CDKL4: variants seen among roughly 807,000 people sequenced by gnomAD.
CDKL4 encodes cyclin dependent kinase like 4.
Under a neutral mutation model 42.0 loss-of-function variants are expected in CDKL4, and 44 were observed. The observed-to-expected ratio is 1.05, with a 90% confidence interval of 0.82 to 1.35. The LOEUF is 1.35. CDKL4 is among the 40% of genes most tolerant of loss of function. CDKL4 has a pLI of 0.00. For synonymous variants in CDKL4, 120 were observed against 121.6 expected (o/e 0.99, Z 0.09); for missense variants, 393 against 369.9 (o/e 1.06, Z -0.51).
chr2:39,191,439 C>A (rs1285267326), intron 5 of CDKL4, among the ~76,000 whole-genome samples: 2 of 152,094 alleles, frequency 1.3e-5, no homozygotes, highest in African/African-American at 4.8e-5. Flanking sequence ...TGGAAGGGGC[C>A]TCTCCTAGAG....
At chr2:39,178,146 G>A (rs1480697349) in intron 9 of CDKL4, among the ~76,000 whole-genome samples, 1 of 152,158 alleles carries the variant, frequency 6.6e-6, no homozygotes, top group East Asian at 1.9e-4. Flanking sequence ...AATGGCCCAT[G>A]TAATCAAAAT....
chr2:39,182,257 C>T (rs1265203723), intron 8 of CDKL4, among the ~76,000 whole-genome samples: 2 of 152,330 alleles, frequency 1.3e-5, no homozygotes, highest in Admixed American at 6.5e-5. Flanking sequence ...TCCTAAAGTG[C>T]TAAGATTACA....
At chr2:39,179,018 T>C in intron 9 of CDKL4, 169 bp downstream of exon 9, 1 of 1,465,600 alleles carries the variant, frequency 6.8e-7, no homozygotes, top group Non-Finnish European at 9.0e-7. Context: ...TTTTCATAGT[T>C]CTATGGTTTT....
chr2:39,235,049 T>G (rs887270736), intron 1 of CDKL4, among the ~76,000 whole-genome samples: 1 of 152,076 alleles, frequency 6.6e-6, no homozygotes, highest in Non-Finnish European at 1.5e-5. Context: ...ATATTATTTA[T>G]TTATTTTTGT....
intron 2 of CDKL4, among the ~76,000 whole-genome samples, chr2:39,226,480 A>T (rs1678751424): frequency 6.9e-6 from 1 of 144,236 alleles, no homozygotes; most frequent in South Asian, 2.1e-4. Flanking sequence ...TATATATAAT[A>T]TATATTATAT....
In CDKL4 at chr2:39,210,549, T is replaced by C. The variant is rs547169771; in HGVS notation, c.363+2851A>G. Among the ~76,000 whole-genome samples, 325 of 152,268 alleles carry C rather than the reference T, an allele frequency of 2.1e-3. 1 individual carries two copies. Among genetic ancestry groups the C allele is most frequent in the African/African-American group, 7.3e-3 (304 of 41,538 alleles). On this transcript the variant is annotated intron_variant, in intron 4 of 9. Transcript: ENST00000451199. ...AAATATTTATTGATCACCCTGTATA[T>C]AAAAATATCCAATTTAGGTATTAAA...
At chr2:39,200,036 G>A (rs1268053423) in intron 5 of CDKL4, among the ~76,000 whole-genome samples, 6 of 152,118 alleles carry the variant, frequency 3.9e-5, no homozygotes, top group African/African-American at 1.4e-4. Context: ...TTGGTAAAGA[G>A]GAAGTCAAAC....
intron 5 of CDKL4, among the ~76,000 whole-genome samples, chr2:39,198,135 G>C (rs1676630416): frequency 1.3e-5 from 2 of 152,018 alleles, no homozygotes; most frequent in South Asian, 4.2e-4. Flanking sequence ...AAGTAAAGTG[G>C]GGGGAAAGGG....
chr2:39,185,743 G>A (rs1047621438), intron 7 of CDKL4, among the ~76,000 whole-genome samples: 1 of 151,928 alleles, frequency 6.6e-6, no homozygotes, highest in Non-Finnish European at 1.5e-5. Flanking sequence ...TTACAGGTGT[G>A]AGCCACCGCG....
intron 7 of CDKL4, among the ~76,000 whole-genome samples, chr2:39,185,465 T>C (rs1371012011): frequency 7.7e-6 from 1 of 130,100 alleles, no homozygotes; most frequent in East Asian, 2.2e-4. Flanking sequence ...TATGTGTATA[T>C]ATATATATAT....
At chr2:39,197,505 T>A (rs141859224) in intron 5 of CDKL4, among the ~76,000 whole-genome samples, 220 of 152,238 alleles carry the variant, frequency 1.4e-3, no homozygotes, top group African/African-American at 5.2e-3. Context: ...GGGAAATTCA[T>A]TGCAAAAAGA....
chr2:39,227,633 A>G (rs571725335), intron 2 of CDKL4, among the ~76,000 whole-genome samples: 1 of 152,344 alleles, frequency 6.6e-6, no homozygotes, highest in African/African-American at 2.4e-5. Flanking sequence ...ACTGCCTAAA[A>G]GAGCAGAAAG....
At chr2:39,174,334 A>C (rs1474257056), downstream of CDKL4, among the ~76,000 whole-genome samples, 2 of 149,744 alleles carry the variant, frequency 1.3e-5, no homozygotes, top group Non-Finnish European at 1.5e-5. Flanking sequence ...GGGGAGGTGG[A>C]GGTTGCAGTG....
chr2:39,236,842 G>A (rs1165298108), intron 1 of CDKL4, among the ~76,000 whole-genome samples: 1 of 152,104 alleles, frequency 6.6e-6, no homozygotes, highest in Non-Finnish European at 1.5e-5. Flanking sequence ...GACTCCAGAA[G>A]AAATAGAAAT....
chr2:39,234,209 G>A (rs1481847483), intron 1 of CDKL4, among the ~76,000 whole-genome samples: 1 of 151,724 alleles, frequency 6.6e-6, no homozygotes, highest in Non-Finnish European at 1.5e-5. Context: ...CACTGCACCC[G>A]GCCTATATTT....
chr2:39,209,176 G>T (rs1426487874), intron 4 of CDKL4, among the ~76,000 whole-genome samples: 1 of 151,540 alleles, frequency 6.6e-6, no homozygotes, highest in Non-Finnish European at 1.5e-5. Flanking sequence ...AGCCATGCAT[G>T]ATAGCATGTG....
chr2:39,171,711 A>G (rs1263158673), downstream of CDKL4, among the ~76,000 whole-genome samples: 1 of 152,196 alleles, frequency 6.6e-6, no homozygotes, highest in Non-Finnish European at 1.5e-5. Context: ...AAACAAACAA[A>G]CAAAAAACTG....
chr2:39,200,329 A>G (rs1453728377), intron 5 of CDKL4, among the ~76,000 whole-genome samples: 1 of 152,196 alleles, frequency 6.6e-6, no homozygotes, highest in East Asian at 1.9e-4. Context: ...TTGCTGAAAG[A>G]AATCATAGAT....
At chr2:39,203,903 G>C (rs1024700337) in intron 5 of CDKL4, among the ~76,000 whole-genome samples, 4 of 152,088 alleles carry the variant, frequency 2.6e-5, no homozygotes, top group Non-Finnish European at 5.9e-5. Flanking sequence ...CAAATCACTC[G>C]TGTTTGGGTC....
Sources: gnomAD v4.1 joint callset for allele counts (sites outside exome capture counted in the v4.1 genomes callset) on GRCh38, gnomAD v4.1.1 for gene constraint, MANE v1.5 for transcripts, NCBI Gene and HGNC (gene_info 2026-07-23, HGNC 2026-07-21) for gene names.